KDM5A: variants seen among roughly 807,000 people sequenced by gnomAD.
KDM5A encodes the protein lysine demethylase 5A.
A neutral mutation model predicts 193.5 loss-of-function variants in KDM5A; 42 were observed. That is an observed-to-expected ratio of 0.22 (90% CI 0.17 to 0.28). The LOEUF (loss-of-function observed/expected upper bound fraction) is 0.28, where lower values mean the gene tolerates loss of function less well. Among genes scored for constraint, KDM5A ranks in the 10% least tolerant of loss-of-function variants. The pLI, the probability that KDM5A is intolerant of heterozygous loss-of-function variation, is 1.00. For missense variants in KDM5A, 1,692 were observed against 2,055.1 expected (o/e 0.82, Z 3.42); for synonymous variants, 796 against 718.1 (o/e 1.11, Z -1.73).
In KDM5A at chr12:365,976, A is replaced by T; in HGVS notation, c.495T>A (p.Ile165=). Residue 165 remains isoleucine (I), a synonymous_variant, in exon 4 of 28, where the codon ATT becomes ATA. Coordinates refer to ENST00000399788, the MANE Select transcript of KDM5A (RefSeq NM_001042603.3). Reference sequence around the variant, plus strand: ...ACTGGAAAAGCTCATATGGGTAGAGAATTCTTTCATAATGTGACTTCAAAA... The same window carrying T: ...ACTGGAAAAGCTCATATGGGTAGAGTATTCTTTCATAATGTGACTTCAAAA... ...GSLLKSHYER[I]LYPYELFQSG... The T allele has an allele frequency of 6.2e-7, 1 of 1,614,084 alleles. No homozygotes were observed. Among genetic ancestry groups the T allele is most frequent in the Non-Finnish European group, 8.5e-7 (1 of 1,179,934 alleles).
intron 3 of KDM5A, among the ~76,000 whole-genome samples, chr12:381,781 T>A (rs369712263): frequency 3.0e-4 from 46 of 151,170 alleles, no homozygotes; most frequent in Admixed American, 8.0e-4. Flanking sequence ...AATTTTAAAA[T>A]GTATCATAAA....
rs577330252 is a variant in KDM5A, at chr12:334,318, G to A, written c.1413C>T (p.Leu471=). The change falls in exon 11 of 28, where the codon CTC becomes CTT. Residue 471 remains leucine, a synonymous_variant. Coordinates refer to ENST00000399788, the MANE Select transcript of KDM5A (RefSeq NM_001042603.3). The stretch of plus-strand genomic sequence containing the variant: ...AAGAAGAGAAGCACATTCCCACATA[G>A]AGCCACGGCACTTTCATACCAGAGA... ...VDISGMKVPW[L]YVGMCFSSFC... is the part of the protein sequence containing the mutation. 104 of 1,614,074 alleles carry A rather than the reference G, an allele frequency of 6.4e-5. No individual in the cohort carries two copies. The highest frequency in any genetic ancestry group is 8.1e-5 in the Non-Finnish European group (96 of 1,179,980).
At chr12:354,267 T>C in intron 7 of KDM5A, 33 bp from the exon 8 acceptor site, 1 of 1,468,936 alleles carries the variant, frequency 6.8e-7, no homozygotes, top group Non-Finnish European at 9.4e-7. Flanking sequence ...AAGTCTATTT[T>C]CTATAATAAA....
chr12:331,720 C>A (rs1283024575), intron 13 of KDM5A, 99 bp downstream of exon 13: 5 of 1,368,552 alleles, frequency 3.7e-6, no homozygotes, highest in Non-Finnish European at 4.2e-6. Flanking sequence ...TACTGATGAA[C>A]CCGACCCTGA....
At chr12:319,906 A>G (rs1943694882) in intron 18 of KDM5A, among the ~76,000 whole-genome samples, 2 of 152,194 alleles carry the variant, frequency 1.3e-5, no homozygotes, top group Non-Finnish European at 2.9e-5. Flanking sequence ...GATATAGGTG[A>G]TATTTAATGT....
intron 24 of KDM5A, among the ~76,000 whole-genome samples, chr12:302,459 CT>C (rs1346457042): frequency 2.0e-5 from 3 of 150,802 alleles, no homozygotes; most frequent in Non-Finnish European, 4.5e-5. Context: ...GGAAAACTGG[CT>C]TAGCCATATG....
chr12:382,704 T>C (rs1056936133), intron 3 of KDM5A, among the ~76,000 whole-genome samples: 1 of 152,084 alleles, frequency 6.6e-6, no homozygotes, highest in African/African-American at 2.4e-5. Context: ...GAGATCAAGG[T>C]GAGCGGATCA....
Position 307,344 on chromosome 12 carries a change from C to T in KDM5A, c.3930+110G>A, listed in dbSNP as rs1591904932. 8.1e-7 allele frequency: 1 copy of T among 1,235,466 alleles called. No homozygotes were observed. Among genetic ancestry groups the T allele is most frequent in the Non-Finnish European group, 1.2e-6 (1 of 851,556 alleles). The allele number at this position is 1,235,466 out of a possible 1,614,324, so 76.5% of individuals were successfully genotyped here. ...TGAAGGAGAATGCAATGGATAATTGCTGACAAGTTACTGTTATTTTCCTAA... is the reference window on the plus strand; with the variant it reads ...TGAAGGAGAATGCAATGGATAATTGTTGACAAGTTACTGTTATTTTCCTAA... On this transcript the variant is annotated intron_variant, in intron 23 of 27. Transcript: ENST00000399788. This position sits in a 1 kb window ranked among gnomAD's most constrained non-coding sequence, Gnocchi z 4.3.
intron 12 of KDM5A, among the ~76,000 whole-genome samples, chr12:332,240 G>C (rs978932232): frequency 6.6e-6 from 1 of 152,102 alleles, no homozygotes; most frequent in Non-Finnish European, 1.5e-5. Flanking sequence ...ACAATTTAGA[G>C]AATTTGTTTT....
chr12:368,317 A>G (rs1462567221), intron 3 of KDM5A, among the ~76,000 whole-genome samples: 7 of 152,198 alleles, frequency 4.6e-5, no homozygotes, highest in Non-Finnish European at 8.8e-5. Flanking sequence ...AAATGTACTT[A>G]ATGCCACTCA....
At chr12:386,429 T>C (rs6489476) in intron 1 of KDM5A, among the ~76,000 whole-genome samples, 10,693 of 152,290 alleles carry the variant, frequency 0.07, 1,216 homozygotes, top group African/African-American at 0.24. Flanking sequence ...TGTGGTTGTC[T>C]GGCATCACCA....
At chr12:340,388 A>C (rs138741457) in intron 10 of KDM5A, among the ~76,000 whole-genome samples, 135 of 152,220 alleles carry the variant, frequency 8.9e-4, no homozygotes, top group African/African-American at 3.1e-3. Flanking sequence ...CCAAGCTAGA[A>C]GTATCATTAA....
chr12:311,970 G>A (rs1943592847), intron 20 of KDM5A, among the ~76,000 whole-genome samples: 1 of 152,128 alleles, frequency 6.6e-6, no homozygotes, highest in African/African-American at 2.4e-5. Flanking sequence ...GGAGGCAGAG[G>A]TTGCAGTGAG....
At chr12:373,918 A>G (rs148369335) in intron 3 of KDM5A, among the ~76,000 whole-genome samples, 1 of 152,136 alleles carries the variant, frequency 6.6e-6, no homozygotes, top group Non-Finnish European at 1.5e-5. Flanking sequence ...CCTGAGTTCT[A>G]GTTTGATTGC....
intron 3 of KDM5A, among the ~76,000 whole-genome samples, chr12:369,477 T>C (rs1401429541): frequency 6.6e-6 from 1 of 152,126 alleles, no homozygotes; most frequent in Non-Finnish European, 1.5e-5. Context: ...GAACATAATA[T>C]ATAAATTTTG....
chr12:311,335 C>T, intron 20 of KDM5A: 1 of 438,978 alleles, frequency 2.3e-6, no homozygotes, highest in East Asian at 4.8e-5. Context: ...CAATCTAAAG[C>T]ACAGACATAT....
chr12:317,436 C>T (rs1565531774), intron 19 of KDM5A, among the ~76,000 whole-genome samples: 1 of 152,176 alleles, frequency 6.6e-6, no homozygotes, highest in Non-Finnish European at 1.5e-5. Context: ...TTTCGGTTAA[C>T]ATTAATAAGG....
chr12:357,214 A>T (rs188590291), intron 5 of KDM5A, among the ~76,000 whole-genome samples: 1 of 151,974 alleles, frequency 6.6e-6, no homozygotes, highest in East Asian at 2.0e-4. Flanking sequence ...TGAGAGGTTG[A>T]GGCAGTGAGG....
chr12:379,048 G>A (rs1022536882), intron 3 of KDM5A, among the ~76,000 whole-genome samples: 1 of 151,378 alleles, frequency 6.6e-6, no homozygotes, highest in Admixed American at 6.6e-5. Context: ...AAAAATAATA[G>A]GGAGAAAGAT....
Sources: allele counts gnomAD v4.1 joint callset (sites outside exome capture counted in the v4.1 genomes callset), GRCh38; gene constraint gnomAD v4.1.1; non-coding constraint Gnocchi (gnomAD v3.1); transcripts MANE v1.5; gene names NCBI Gene and HGNC (gene_info 2026-07-23, HGNC 2026-07-21).